Variants in GLCCI1 observed in about 807,000 individuals in gnomAD.
GLCCI1 encodes the protein glucocorticoid-induced transcript 1 protein.
GLCCI1 carries 24 observed loss-of-function variants against 52.2 expected under a neutral mutation model. The observed-to-expected ratio is 0.46, with a 90% CI of 0.33 to 0.65. GLCCI1 has a LOEUF of 0.65. Among genes scored for constraint, GLCCI1 ranks in the 30% least tolerant of loss-of-function variants. The pLI, the probability that GLCCI1 is intolerant of heterozygous loss-of-function variation, is 0.02. For missense variants in GLCCI1, 704 were observed against 701.5 expected (o/e 1.00, Z -0.04); for synonymous variants, 310 against 276.5 (o/e 1.12, Z -1.20).
chr7:7,981,081 C>T, intron 1 of GLCCI1: 1 of 471,832 alleles, frequency 2.1e-6, no homozygotes, highest in Non-Finnish European at 4.1e-6. Flanking sequence ...TGGTGGGAGA[C>T]CTACCTGATG....
At chr7:8,023,503 A>G (rs894004259) in intron 3 of GLCCI1, among the ~76,000 whole-genome samples, 2 of 151,288 alleles carry the variant, frequency 1.3e-5, no homozygotes, top group South Asian at 4.2e-4. Context: ...TTTACAAATT[A>G]CAGAAACTTT....
intron 1 of GLCCI1, among the ~76,000 whole-genome samples, chr7:7,991,103 A>C (rs1354240855): frequency 3.9e-5 from 6 of 152,100 alleles, no homozygotes; most frequent in Non-Finnish European, 8.8e-5. Flanking sequence ...TACCTTACTC[A>C]GGTTAAATAG....
At chr7:7,997,773 C>T (rs1210721814) in intron 1 of GLCCI1, among the ~76,000 whole-genome samples, 3 of 151,822 alleles carry the variant, frequency 2.0e-5, no homozygotes, top group Admixed American at 6.6e-5. Flanking sequence ...ACAAAAAATA[C>T]AAAAATTAGC....
intron 2 of GLCCI1, among the ~76,000 whole-genome samples, chr7:8,014,424 G>T (rs1041737250): frequency 1.3e-5 from 2 of 152,108 alleles, no homozygotes; most frequent in East Asian, 3.8e-4. Context: ...TTTACTAATG[G>T]TTTTTCTTGT....
intron 2 of GLCCI1, among the ~76,000 whole-genome samples, chr7:8,018,815 A>G (rs1452286920): frequency 1.3e-5 from 2 of 152,112 alleles, no homozygotes; most frequent in Non-Finnish European, 1.5e-5. Flanking sequence ...TTTTTCCTAA[A>G]TTTATTTAAC....
chr7:8,062,262 A>G (rs1280842179), intron 5 of GLCCI1, among the ~76,000 whole-genome samples: 5 of 152,192 alleles, frequency 3.3e-5, no homozygotes, highest in Non-Finnish European at 7.3e-5. Context: ...TAATTAAAAT[A>G]TCACCATGAA....
chr7:8,060,218 A>G lies in GLCCI1; in HGVS notation c.936A>G (p.Lys312=). 2 of 1,612,152 alleles carry G rather than the reference A, an allele frequency of 1.2e-6. No homozygotes were observed. Among genetic ancestry groups the G allele is most frequent in the Non-Finnish European group, 1.7e-6 (2 of 1,178,388 alleles). Residue 312 remains lysine, a synonymous_variant, in exon 5 of 8, where the codon AAA becomes AAG. Transcript: ENST00000223145. ...ISPELEKVFI[K]ENNGKEEVSK... ...CTGAATTAGAAAAGGTATTCATTAA[A>G]GAAAATAATGGGAAGGAAGAAGTAT...
chr7:8,061,983 T>G (rs1272295239), intron 5 of GLCCI1, among the ~76,000 whole-genome samples: 1 of 152,108 alleles, frequency 6.6e-6, no homozygotes, highest in Non-Finnish European at 1.5e-5. Flanking sequence ...AGTGTTTTTT[T>G]TATGCATTAA....
intron 2 of GLCCI1, among the ~76,000 whole-genome samples, chr7:8,012,429 A>ATTTTTT (rs1781282584): frequency 6.8e-5 from 4 of 58,850 alleles, no homozygotes; most frequent in Non-Finnish European, 1.1e-4. Context: ...TTGCCTTTTT[A>ATTTTTT]TTCTTTTTTT....
chr7:8,023,588 CTTTT>C (rs571726894), intron 3 of GLCCI1, among the ~76,000 whole-genome samples: 240 of 41,922 alleles, frequency 5.7e-3, no homozygotes, highest in African/African-American at 0.011. Flanking sequence ...CTCTGTTATT[CTTTT>C]TTTTTTTTTT....
chr7:8,009,671 T>C (rs1397768318), intron 2 of GLCCI1, among the ~76,000 whole-genome samples: 1 of 152,234 alleles, frequency 6.6e-6, no homozygotes, highest in Non-Finnish European at 1.5e-5. Context: ...AAGCATAGCC[T>C]TCTTAATGAC....
intron 6 of GLCCI1, among the ~76,000 whole-genome samples, chr7:8,072,987 C>T (rs1439900206): frequency 6.6e-6 from 1 of 152,132 alleles, no homozygotes; most frequent in Non-Finnish European, 1.5e-5. Flanking sequence ...TCACTTACAT[C>T]ATAAGTTTCA....
intron 2 of GLCCI1, among the ~76,000 whole-genome samples, chr7:8,020,647 A>G (rs1463370336): frequency 6.6e-6 from 1 of 152,164 alleles, no homozygotes; most frequent in Non-Finnish European, 1.5e-5. Context: ...AATGTAATTC[A>G]TATTATAAAT....
At chr7:7,998,189 T>TTTTTTG (rs1780978386) in intron 1 of GLCCI1, among the ~76,000 whole-genome samples, 3 of 143,088 alleles carry the variant, frequency 2.1e-5, no homozygotes, top group Non-Finnish European at 3.1e-5. Context: ...TTTTTTTTTT[T>TTTTTTG]TTGTTGTTGT....
chr7:7,997,298 T>C (rs550721531), intron 1 of GLCCI1, among the ~76,000 whole-genome samples: 2 of 152,314 alleles, frequency 1.3e-5, no homozygotes, highest in South Asian at 4.1e-4. Flanking sequence ...CATTAAAAAC[T>C]ATAGCTTTCA....
intron 3 of GLCCI1, among the ~76,000 whole-genome samples, chr7:8,023,588 C>CTTTTCTTTTTTTTTTTT (rs1781544281): frequency 2.4e-5 from 1 of 41,984 alleles, no homozygotes; most frequent in Non-Finnish European, 4.3e-5. Context: ...CTCTGTTATT[C>CTTTTCTTTTTTTTTTTT]TTTTTTTTTT....
chr7:7,988,172 TG>T lies in GLCCI1; in HGVS notation c.458-15735del, dbSNP rs148288453. 8.6e-3 allele frequency among the ~76,000 whole-genome samples: 1,313 copies of T among 152,336 alleles called. 20 individuals are homozygous for T. The highest frequency in any genetic ancestry group is 0.03 in the African/African-American group (1,230 of 41,570). ...ACTAAGGCAGCACTGGAGTCTCTGT[TG>T]ATAAGAGTTTACAGTTTACAATAAG... On this transcript the variant is annotated intron_variant, in intron 1 of 7. Transcript: ENST00000223145.
At chr7:8,002,588 C>A (rs1781071429) in intron 1 of GLCCI1, among the ~76,000 whole-genome samples, 1 of 152,108 alleles carries the variant, frequency 6.6e-6, no homozygotes, top group African/African-American at 2.4e-5. Flanking sequence ...CATGCATTTT[C>A]TTCTGTTTTT....
chr7:8,014,549 TTAGAG>T (rs1781337924), intron 2 of GLCCI1, among the ~76,000 whole-genome samples: 1 of 152,228 alleles, frequency 6.6e-6, no homozygotes, highest in Non-Finnish European at 1.5e-5. Flanking sequence ...TTCATGAGCC[TTAGAG>T]TATTTTTACA....
Sources: gnomAD v4.1 joint callset for allele counts (sites outside exome capture counted in the v4.1 genomes callset) on GRCh38, gnomAD v4.1.1 for gene constraint, MANE v1.5 for transcripts, NCBI Gene and HGNC (gene_info 2026-07-23, HGNC 2026-07-21) for gene names.